The following NFIA variants were observed in gnomAD, a reference collection of about 807,000 sequenced individuals.
NFIA encodes the protein nuclear factor I A.
NFIA carries 8 observed loss-of-function variants against 62.8 expected under a neutral mutation model. That is an observed-to-expected ratio of 0.13 (90% CI 0.07 to 0.23). NFIA has a LOEUF of 0.23. Ranked by LOEUF, NFIA falls within the 10% of genes least tolerant of loss-of-function variation. The pLI is 1.00. For synonymous variants in NFIA, 235 were observed against 238.1 expected (o/e 0.99, Z 0.12); for missense variants, 410 against 642.1 (o/e 0.64, Z 3.91).
chr1:61,329,122 G>A (rs1211339616), intron 3 of NFIA, among the ~76,000 whole-genome samples: 16 of 145,494 alleles, frequency 1.1e-4, no homozygotes, highest in African/African-American at 3.3e-4. Flanking sequence ...ATCTTGGCTC[G>A]CTGCAACCTC....
At chr1:61,354,437 G>A (rs1400358297) in intron 5 of NFIA, among the ~76,000 whole-genome samples, 1 of 152,074 alleles carries the variant, frequency 6.6e-6, no homozygotes, top group East Asian at 1.9e-4. Flanking sequence ...ATATTAATGG[G>A]TCATTTTCTC....
intron 2 of NFIA, among the ~76,000 whole-genome samples, chr1:61,268,690 A>T (rs1218151924): frequency 1.3e-5 from 2 of 152,162 alleles, no homozygotes; most frequent in Non-Finnish European, 2.9e-5. Flanking sequence ...GGGGTGAGAG[A>T]ATTAAATTAG....
chr1:61,352,078 G>A (rs142640946), intron 4 of NFIA, among the ~76,000 whole-genome samples: 4 of 152,286 alleles, frequency 2.6e-5, no homozygotes, highest in Non-Finnish European at 5.9e-5. Context: ...ATACAGATGA[G>A]TAGAAGCTGT....
intron 5 of NFIA, among the ~76,000 whole-genome samples, chr1:61,356,673 C>T (rs1428628059): frequency 1.3e-5 from 2 of 152,150 alleles, no homozygotes; most frequent in Non-Finnish European, 2.9e-5. Context: ...TCTTCAGTGG[C>T]TATTTTTCAT....
intron 2 of NFIA, among the ~76,000 whole-genome samples, chr1:61,115,983 A>G (rs938483406): frequency 1.3e-5 from 2 of 148,314 alleles, no homozygotes; most frequent in African/African-American, 5.0e-5. Flanking sequence ...CCTTTCCTCC[A>G]GTGGTTATCT....
intron 3 of NFIA, among the ~76,000 whole-genome samples, chr1:61,317,410 A>G (rs1660423135): frequency 6.6e-6 from 1 of 152,068 alleles, no homozygotes; most frequent in African/African-American, 2.4e-5. Context: ...AGAGATGGTG[A>G]TTTATATTTG....
intron 7 of NFIA, among the ~76,000 whole-genome samples, chr1:61,396,597 C>A (rs1665281360): frequency 6.6e-6 from 1 of 152,074 alleles, no homozygotes; most frequent in African/African-American, 2.4e-5. Flanking sequence ...TAAGCAAACT[C>A]CCAATAACTA....
chr1:61,389,195 C>T (rs527649660), intron 7 of NFIA, among the ~76,000 whole-genome samples: 2 of 152,184 alleles, frequency 1.3e-5, no homozygotes, highest in Admixed American at 1.3e-4. Context: ...ATTTCTTCTC[C>T]TAGACATGTT....
upstream of NFIA, chr1:61,082,383 G>A: frequency 1.4e-6 from 1 of 699,364 alleles, no homozygotes; most frequent in Non-Finnish European, 1.8e-6. Context: ...TCCCCCCCGC[G>A]GCGGCGGCGC....
intron 2 of NFIA, among the ~76,000 whole-genome samples, chr1:61,127,511 G>A (rs1009218164): frequency 1.5e-4 from 22 of 151,630 alleles, no homozygotes; most frequent in South Asian, 2.1e-4. Context: ...ACTTACTCCC[G>A]AATGAATATA....
chr1:61,315,882 G>A (rs189098554), intron 3 of NFIA, among the ~76,000 whole-genome samples: 2 of 152,236 alleles, frequency 1.3e-5, no homozygotes, highest in East Asian at 3.9e-4. Flanking sequence ...ATGTTATTTC[G>A]TATTTCCATA....
chr1:61,392,607 A>G (rs557005988), intron 7 of NFIA, among the ~76,000 whole-genome samples: 40 of 152,214 alleles, frequency 2.6e-4, no homozygotes, highest in Admixed American at 5.9e-4. Context: ...TAAAAGCTCT[A>G]TTACACTAAT....
chr1:61,198,271 C>CT (rs1652175344), intron 2 of NFIA, among the ~76,000 whole-genome samples: 1 of 152,214 alleles, frequency 6.6e-6, no homozygotes, highest in Non-Finnish European at 1.5e-5. Context: ...TGTCTTTATA[C>CT]AATCTTGATA....
chr1:61,132,682 G>GT (rs1426577961), intron 2 of NFIA: 1 of 152,176 alleles, frequency 6.6e-6, no homozygotes, highest in Non-Finnish European at 1.5e-5. Context: ...ACTAAAATCT[G>GT]TTTCTTTTTC....
intron 2 of NFIA, among the ~76,000 whole-genome samples, chr1:61,160,773 TC>T (rs2100535183): frequency 6.6e-6 from 1 of 152,340 alleles, no homozygotes; most frequent in East Asian, 1.9e-4. Context: ...TCCTCCTTAC[TC>T]TCTTCCTGTT....
At chr1:61,135,392 C>T (rs17785779) in intron 2 of NFIA, among the ~76,000 whole-genome samples, 43 of 152,280 alleles carry the variant, frequency 2.8e-4, no homozygotes, top group Non-Finnish European at 3.8e-4. Context: ...TGTTACCTAA[C>T]TGTTGATTGT....
intron 2 of NFIA, among the ~76,000 whole-genome samples, chr1:61,276,306 A>G (rs1657803677): frequency 6.6e-6 from 1 of 152,228 alleles, no homozygotes; most frequent in Non-Finnish European, 1.5e-5. Flanking sequence ...TAGTAGTGCC[A>G]CTTCTTTCTG....
chr1:61,199,691 A>T (rs1055994966), intron 2 of NFIA, among the ~76,000 whole-genome samples: 2 of 151,734 alleles, frequency 1.3e-5, no homozygotes, highest in African/African-American at 4.8e-5. Context: ...AGTTTTGGTG[A>T]TGTATTAAAA....
At chr1:61,309,236 A>G (rs1366054240) in intron 3 of NFIA, among the ~76,000 whole-genome samples, 2 of 152,186 alleles carry the variant, frequency 1.3e-5, no homozygotes, top group Non-Finnish European at 2.9e-5. Context: ...AGGGTTGAAT[A>G]TGAAGAGACC....
Sources: allele counts gnomAD v4.1 joint callset (sites outside exome capture counted in the v4.1 genomes callset), GRCh38; gene constraint gnomAD v4.1.1; transcripts MANE v1.5; gene names NCBI Gene and HGNC (gene_info 2026-07-23, HGNC 2026-07-21).